Variants in COQ8B observed in about 807,000 individuals in gnomAD.
COQ8B encodes coenzyme Q8B, also known as atypical kinase COQ8B, mitochondrial.
A neutral mutation model predicts 62.0 loss-of-function variants in COQ8B; 44 were observed. The ratio of observed to expected loss-of-function variants is 0.71; its 90% confidence interval spans 0.56 to 0.91. The LOEUF (loss-of-function observed/expected upper bound fraction) is 0.91, where lower values mean the gene tolerates loss of function less well. Ranked by LOEUF, COQ8B falls within the 40% of genes least tolerant of loss-of-function variation. COQ8B has a pLI of 0.00. For synonymous variants in COQ8B, 252 were observed against 289.9 expected (o/e 0.87, Z 1.33); for missense variants, 649 against 731.6 (o/e 0.89, Z 1.30).
chr19:40,708,451 C>T (rs2082116840), intron 5 of COQ8B, among the ~76,000 whole-genome samples: 1 of 152,186 alleles, frequency 6.6e-6, no homozygotes, highest in Admixed American at 6.5e-5. Flanking sequence ...TGAATGCCCA[C>T]AATCACACCT....
intron 7 of COQ8B, chr19:40,704,764 C>A: frequency 4.7e-6 from 1 of 213,764 alleles, no homozygotes; most frequent in Non-Finnish European, 9.4e-6. Context: ...CAGTAATAAT[C>A]ACAGCTAACA....
At chr19:40,704,112 GATTGCTATT>G (rs2082082492) in intron 7 of COQ8B, 2 of 444,670 alleles carry the variant, frequency 4.5e-6, no homozygotes, top group African/African-American at 4.1e-5. Flanking sequence ...CTGTTGTGGG[GATTGCTATT>G]ATTTATAGTT....
chr19:40,715,695 C>T, intron 1 of COQ8B: 1 of 857,746 alleles, frequency 1.2e-6, no homozygotes, highest in Non-Finnish European at 1.4e-6. Context: ...GTTCTCTCCG[C>T]TCCCCGCCCA....
chr19:40,702,779 C>T, intron 9 of COQ8B, 86 bp from the exon 10 acceptor site: 3 of 1,241,784 alleles, frequency 2.4e-6, no homozygotes, highest in Non-Finnish European at 3.5e-6. Flanking sequence ...TCTCCTGTCT[C>T]CCGCGCTGTC....
intron 5 of COQ8B, among the ~76,000 whole-genome samples, chr19:40,705,793 G>A (rs142557173): frequency 1.8e-4 from 27 of 152,200 alleles, no homozygotes; most frequent in African/African-American, 5.8e-4. Context: ...CTGGGTGTAT[G>A]GTGGCATGTG....
intron 4 of COQ8B, 28 bp downstream of exon 4, chr19:40,714,039 C>A (rs775132059): frequency 1.2e-6 from 2 of 1,613,406 alleles, no homozygotes; most frequent in Non-Finnish European, 1.7e-6. Context: ...ATTGAGGTCA[C>A]ACCAAGATCC....
chr19:40,716,184 A>C (rs1352700799), intron 1 of COQ8B, among the ~76,000 whole-genome samples: 1 of 152,084 alleles, frequency 6.6e-6, no homozygotes, highest in East Asian at 1.9e-4. Context: ...AAGGTGACTC[A>C]TTTTAGAGCC....
In COQ8B at chr19:40,710,058, C is replaced by A. The variant is rs143411357; in HGVS notation, c.367+1G>T. The A allele has an allele frequency of 6.2e-7, 1 of 1,613,728 alleles. No homozygotes were observed. Among genetic ancestry groups the A allele is most frequent in the Non-Finnish European group, 8.5e-7 (1 of 1,179,752 alleles). ...GAACCCAGGCAGTGTGGCTCACTCACCTGACTGCAGACGACCTCCTGGCAT... is the reference window on the plus strand; with the variant it reads ...GAACCCAGGCAGTGTGGCTCACTCAACTGACTGCAGACGACCTCCTGGCAT... On this transcript the variant is annotated splice_donor_variant, in intron 5 of 14. Coordinates refer to ENST00000324464, the MANE Select transcript of COQ8B (RefSeq NM_024876.4). LOFTEE classifies it high-confidence loss of function.
intron 10 of COQ8B, chr19:40,701,375 A>C (rs1458223339): frequency 6.6e-6 from 1 of 152,260 alleles, no homozygotes; most frequent in East Asian, 1.9e-4. Flanking sequence ...GAGGCAGAGA[A>C]TATGAGCAAG....
intron 5 of COQ8B, among the ~76,000 whole-genome samples, chr19:40,708,599 C>G (rs143923374): frequency 0.011 from 1,681 of 151,226 alleles, 19 homozygotes; most frequent in Non-Finnish European, 0.018. Context: ...TACCCAAACC[C>G]TAATCCTCCA....
intron 13 of COQ8B, among the ~76,000 whole-genome samples, chr19:40,694,962 A>G (rs995079658): frequency 1.3e-5 from 2 of 152,162 alleles, no homozygotes; most frequent in Non-Finnish European, 2.9e-5. Context: ...GGCTGGGCCC[A>G]GGTCACTGCT....
intron 9 of COQ8B, among the ~76,000 whole-genome samples, chr19:40,702,997 G>T (rs968634460): frequency 6.6e-6 from 1 of 151,968 alleles, no homozygotes; most frequent in East Asian, 1.9e-4. Context: ...GTTCCCCGGG[G>T]TCTTCCGAAG....
At position 40,700,301 on chromosome 19, in the gene COQ8B, A is replaced by G; in HGVS notation, c.1035+9T>C. 6.2e-7 allele frequency: 1 copy of G among 1,612,666 alleles called. No individual in the cohort carries two copies. Among genetic ancestry groups the G allele is most frequent in the Non-Finnish European group, 8.5e-7 (1 of 1,178,976 alleles). On this transcript the variant is annotated intron_variant, in intron 11 of 14. Coordinates refer to ENST00000324464, the MANE Select transcript of COQ8B (RefSeq NM_024876.4). ...CATGCCCTTCCCACTGTGCCACCAG[A>G]CAGCATACCTGGTTCCGCAGGTCCT...
In COQ8B at chr19:40,705,166, C is replaced by T. The variant is rs1051877729; in HGVS notation, c.506G>A (p.Ser169Asn). The T allele has an allele frequency of 8.1e-6, 13 of 1,613,362 alleles. No homozygotes were observed. Among genetic ancestry groups the T allele is most frequent in the Non-Finnish European group, 1.1e-5 (13 of 1,179,704 alleles). The change falls in exon 7 of 15, where the codon AGC becomes AAC. Residue 169 changes from serine to asparagine, a missense_variant. Coordinates refer to ENST00000324464, the MANE Select transcript of COQ8B (RefSeq NM_024876.4). ...CTCAAAGATGTGCTGCAGCTGAGGG[C>T]TGATGAAGCTGTTGTCTTGGGAGAC... ...MLSIQDNSFI[S>N]PQLQHIFERV...
chr19:40,703,877 A>G, intron 7 of COQ8B, 22 bp from the exon 8 acceptor site: 2 of 1,592,484 alleles, frequency 1.3e-6, no homozygotes, highest in Non-Finnish European at 1.7e-6. Context: ...GGTCACAGCC[A>G]TCATCATTGT....
Position 40,714,567 on chromosome 19 carries a change from C to G in COQ8B, c.66G>C (p.Trp22Cys). The G allele has an allele frequency of 6.2e-7, 1 of 1,613,520 alleles. No individual in the cohort carries two copies. The highest frequency in any genetic ancestry group is 8.5e-7 in the Non-Finnish European group (1 of 1,179,802). Residue 22 changes from tryptophan to cysteine, a missense_variant, in exon 2 of 15, where the codon TGG becomes TGC. Coordinates refer to ENST00000324464, the MANE Select transcript of COQ8B (RefSeq NM_024876.4). ...GCCCAGGCCCCAGGGCCCCACAAGGCCAACCAACAGTCTGGCCCAGCTGTC... is the reference window on the plus strand; with the variant it reads ...GCCCAGGCCCCAGGGCCCCACAAGGGCAACCAACAGTCTGGCCCAGCTGTC... ...TGGQLGQTVG[W>C]PCGALGPGPH...
rs767476347 is a variant in COQ8B at position 40,714,319 on chromosome 19, T to C, written c.181A>G (p.Arg61Gly). ...TTCCTGGGACGGGCCTCCCGTGCCC[T>C]GCGAATGTCCTCCTCACCCAGGCCT... ...GRGLGEEDIR[R>G]AREARPRKTP... is the part of the protein sequence containing the mutation. Residue 61 changes from arginine to glycine, a missense_variant, in exon 3 of 15, where the codon AGG becomes GGG. By Grantham distance (125) the Arg-to-Gly change is moderately radical (BLOSUM62 -2). Transcript: ENST00000324464. 6.2e-7 allele frequency: 1 copy of C among 1,614,048 alleles called. No homozygotes were observed. The highest frequency in any genetic ancestry group is 1.1e-5 in the South Asian group (1 of 91,048).
rs755680834 is a variant in COQ8B, at chr19:40,692,922, AG to A, written c.1296+28del. The A allele has an allele frequency of 1.2e-5, 20 of 1,603,206 alleles. No homozygotes were observed. In the South Asian group the frequency reaches 2.2e-4, roughly 18 times the overall value. On this transcript the variant is annotated intron_variant, in intron 14 of 14. Coordinates refer to ENST00000324464, the MANE Select transcript of COQ8B (RefSeq NM_024876.4). ...CCACTGCACCCCACCAACAGACACC[AG>A]CCCCTTTCTCCCCCAGTGTCTCCCC...
rs1051877729 is a variant in COQ8B at position 40,705,166 on chromosome 19, C to G, written c.506G>C (p.Ser169Thr). The change falls in exon 7 of 15, where the codon AGC becomes ACC. Residue 169 changes from serine to threonine, a missense_variant. By Grantham distance (58) the Ser-to-Thr change is moderately conservative. Coordinates refer to ENST00000324464, the MANE Select transcript of COQ8B (RefSeq NM_024876.4). ...CTCAAAGATGTGCTGCAGCTGAGGG[C>G]TGATGAAGCTGTTGTCTTGGGAGAC... ...MLSIQDNSFISPQLQHIFERV... is the reference protein window; with the variant it reads ...MLSIQDNSFITPQLQHIFERV... 7 of 1,613,362 alleles carry G rather than the reference C, an allele frequency of 4.3e-6. No individual in the cohort carries two copies. The highest frequency in any genetic ancestry group is 5.9e-6 in the Non-Finnish European group (7 of 1,179,704).
Sources: gnomAD v4.1 joint callset for allele counts (sites outside exome capture counted in the v4.1 genomes callset) on GRCh38, gnomAD v4.1.1 for gene constraint, MANE v1.5 for transcripts, NCBI Gene and HGNC (gene_info 2026-07-23, HGNC 2026-07-21) for gene names.